LTAP1: variants seen among roughly 807,000 people sequenced by gnomAD.
LTAP1 encodes lipid transport auxiliary protein 1, also known as HCV NS5A-transactivated protein 4.
At chr1:154,210,938 C>T in the LTAP1 span, among the ~76,000 whole-genome samples, 2 of 152,162 alleles carry the variant, frequency 1.3e-5, no homozygotes, top group Admixed American at 6.6e-5. Flanking sequence ...GACTCTATAG[C>T]GATGGCCTTT....
chr1:154,216,383 G>A, the LTAP1 span, among the ~76,000 whole-genome samples: 3 of 151,936 alleles, frequency 2.0e-5, no homozygotes, highest in African/African-American at 7.3e-5. Context: ...CACCCAGGCT[G>A]GAGTGCAATG....
chr1:154,217,061 C>A, the LTAP1 span, among the ~76,000 whole-genome samples: 3 of 151,988 alleles, frequency 2.0e-5, no homozygotes, highest in Admixed American at 1.3e-4. Context: ...ATTCTCCTGC[C>A]TCAGCCTCCT....
chr1:154,214,844 A>ATT, the LTAP1 span, among the ~76,000 whole-genome samples: 15 of 140,344 alleles, frequency 1.1e-4, no homozygotes, highest in East Asian at 2.1e-4. Context: ...ATTATTTCCA[A>ATT]TTTTTTTTTT....
At chr1:154,208,433 AG>A in the LTAP1 span, 4 of 152,342 alleles carry the variant, frequency 2.6e-5, no homozygotes, top group Admixed American at 2.6e-4. Flanking sequence ...GCAGCACTCC[AG>A]CCTGGGTGAC....
the LTAP1 span, among the ~76,000 whole-genome samples, chr1:154,211,088 C>T: frequency 6.6e-6 from 1 of 151,636 alleles, no homozygotes; most frequent in African/African-American, 2.4e-5. Context: ...CTCATTGCAA[C>T]CTCCACCTCC....
chr1:154,211,925 T>G, the LTAP1 span: 1 of 194,144 alleles, frequency 5.2e-6, no homozygotes, highest in South Asian at 9.3e-5. Context: ...GGCACGATCT[T>G]GGCTCACCGC....
chr1:154,219,889 C>T, the LTAP1 span: 6 of 1,613,914 alleles, frequency 3.7e-6, no homozygotes, highest in African/African-American at 8.0e-5. Context: ...GATTTCATTG[C>T]AAAGCGCATG....
the LTAP1 span, among the ~76,000 whole-genome samples, chr1:154,208,732 T>C: frequency 0.049 from 7,408 of 152,228 alleles, 621 homozygotes; most frequent in African/African-American, 0.17. Flanking sequence ...TGAACATTCC[T>C]AGAAACTACA....
chr1:154,212,406 ATC>A, the LTAP1 span: 1 of 1,614,052 alleles, frequency 6.2e-7, no homozygotes, highest in Non-Finnish European at 8.5e-7. Context: ...AAGAGTGAGG[ATC>A]TCTCAGTCTG....
chr1:154,207,569 G>T, the LTAP1 span: 1 of 1,614,092 alleles, frequency 6.2e-7, no homozygotes, highest in East Asian at 2.2e-5. Context: ...ATGGTTGTTG[G>T]GGAGACCTCA....
the LTAP1 span, chr1:154,207,386 G>C: frequency 6.6e-7 from 1 of 1,515,200 alleles, no homozygotes. Context: ...AGGGCGGCCC[G>C]GCAAGCAGCC....
the LTAP1 span, chr1:154,213,286 A>G: frequency 1.3e-5 from 2 of 152,718 alleles, no homozygotes; most frequent in Non-Finnish European, 2.9e-5. Context: ...CAGCCTGGGC[A>G]ACAGAGCAAG....
the LTAP1 span, among the ~76,000 whole-genome samples, chr1:154,208,327 C>T: frequency 7.0e-4 from 107 of 152,070 alleles, no homozygotes; most frequent in Non-Finnish European, 7.1e-4. Flanking sequence ...ACCCAGAATT[C>T]GAGGCTGCAG....
chr1:154,210,173 G>A, the LTAP1 span, among the ~76,000 whole-genome samples: 1 of 152,018 alleles, frequency 6.6e-6, no homozygotes, highest in African/African-American at 2.4e-5. Context: ...GGAATAGCTG[G>A]GATTACAGGC....
chr1:154,208,162 G>C, the LTAP1 span, among the ~76,000 whole-genome samples: 1 of 151,922 alleles, frequency 6.6e-6, no homozygotes, highest in Non-Finnish European at 1.5e-5. Context: ...CAGCACTTCA[G>C]GAGGCAGAGG....
chr1:154,214,732 A>G, the LTAP1 span, among the ~76,000 whole-genome samples: 2 of 152,224 alleles, frequency 1.3e-5, no homozygotes, highest in Admixed American at 1.3e-4. Context: ...AGAATTTAGG[A>G]AAGAACGGGA....
the LTAP1 span, chr1:154,212,330 G>C: frequency 6.2e-7 from 1 of 1,614,132 alleles, no homozygotes; most frequent in Non-Finnish European, 8.5e-7. Flanking sequence ...GCAGTGGCCA[G>C]CTCACTCAGG....
chr1:154,207,658 A>T, the LTAP1 span: 1 of 1,587,952 alleles, frequency 6.3e-7, no homozygotes, highest in Non-Finnish European at 8.6e-7. Context: ...CCTGAAGAAC[A>T]GAGAGGGGAG....
At chr1:154,207,536 T>C in the LTAP1 span, 1 of 1,614,184 alleles carries the variant, frequency 6.2e-7, no homozygotes, top group Non-Finnish European at 8.5e-7. Flanking sequence ...CTCTTCTGAC[T>C]GGAGGGGAGG....
Sources: gnomAD v4.1 joint callset for allele counts (sites outside exome capture counted in the v4.1 genomes callset) on GRCh38, gnomAD v4.1.1 for gene constraint, MANE v1.5 for transcripts, NCBI Gene and HGNC (gene_info 2026-07-23, HGNC 2026-07-21) for gene names.